The following ZNF280D variants were observed in gnomAD, a reference collection of about 807,000 sequenced individuals.
ZNF280D encodes suppressor of hairy wing homolog 4.
A neutral mutation model predicts 94.7 loss-of-function variants in ZNF280D; 39 were observed. The observed-to-expected ratio is 0.41, with a 90% CI of 0.32 to 0.54. The LOEUF is 0.54. Among genes scored for constraint, ZNF280D ranks in the 20% least tolerant of loss-of-function variants. The pLI is 0.22. For synonymous variants in ZNF280D, 398 were observed against 377.6 expected (o/e 1.05, Z -0.63); for missense variants, 1,090 against 1,149.3 (o/e 0.95, Z 0.75).
At chr15:56,684,528 A>G (rs900469219) in intron 9 of ZNF280D, among the ~76,000 whole-genome samples, 16 of 152,120 alleles carry the variant, frequency 1.1e-4, no homozygotes, top group Admixed American at 3.3e-4. Flanking sequence ...CAAGGGTGAA[A>G]GTATAGGAAA....
Position 56,673,209 on chromosome 15 carries a change from C to T in ZNF280D, c.1410+3461G>A, listed in dbSNP as rs144789032. On this transcript the variant is annotated intron_variant, in intron 13 of 21. Transcript: ENST00000267807. ...TAACATTACTGCTTGATGTCTAATA[C>T]GCTTCTCAAATCAACCTGAACAAAA... Among the ~76,000 whole-genome samples the T allele has an allele frequency of 6.3e-3, 956 of 151,928 alleles. 3 individuals carry two copies. The highest frequency in any genetic ancestry group is 0.01 in the Non-Finnish European group (693 of 67,928).
intron 13 of ZNF280D, among the ~76,000 whole-genome samples, chr15:56,674,758 G>A (rs952317301): frequency 6.6e-6 from 1 of 151,386 alleles, no homozygotes; most frequent in Non-Finnish European, 1.5e-5. Flanking sequence ...TTTTATTAAA[G>A]CTCTAATGAG....
At chr15:56,725,526 G>T (rs2058588071) in intron 1 of ZNF280D, among the ~76,000 whole-genome samples, 1 of 151,970 alleles carries the variant, frequency 6.6e-6, no homozygotes, top group African/African-American at 2.4e-5. Flanking sequence ...AAGACAGCTG[G>T]ATTCTCTTAC....
At chr15:56,692,899 G>A in intron 7 of ZNF280D, among the ~76,000 whole-genome samples, 199 bp downstream of exon 7, 1 of 152,002 alleles carries the variant, frequency 6.6e-6, no homozygotes, top group East Asian at 1.9e-4. Flanking sequence ...TTAATAGGAA[G>A]AAATAAAATA....
At chr15:56,651,154 C>T (rs1432894962) in intron 19 of ZNF280D, among the ~76,000 whole-genome samples, 1 of 152,124 alleles carries the variant, frequency 6.6e-6, no homozygotes. Flanking sequence ...TGAATAAATA[C>T]ATGATGCCCA....
chr15:56,687,255 C>T (rs2056090193), intron 9 of ZNF280D, among the ~76,000 whole-genome samples: 2 of 151,940 alleles, frequency 1.3e-5, no homozygotes, highest in African/African-American at 2.4e-5. Context: ...GAGATACTTT[C>T]CTTATTTAAA....
At chr15:56,680,303 C>T (rs2055531387) in intron 10 of ZNF280D, among the ~76,000 whole-genome samples, 1 of 151,998 alleles carries the variant, frequency 6.6e-6, no homozygotes, top group African/African-American at 2.4e-5. Context: ...ATACATTTAA[C>T]TTCTTTGTTC....
chr15:56,656,688 T>C (rs866304305), intron 17 of ZNF280D, among the ~76,000 whole-genome samples: 1 of 152,202 alleles, frequency 6.6e-6, no homozygotes, highest in Non-Finnish European at 1.5e-5. Flanking sequence ...AATATATACA[T>C]TAATTTATTC....
In ZNF280D at chr15:56,642,951, C is replaced by G; in HGVS notation, c.2259+1G>C. ...AAGGTATAAAGTAAAACAAACTTTA[C>G]CTTAGACACAGGTTCTTGTTCCTTT... On this transcript the variant is annotated splice_donor_variant, in intron 20 of 21. Transcript: ENST00000267807. LOFTEE classifies it high-confidence loss of function. 1 of 1,500,304 alleles carries G rather than the reference C, an allele frequency of 6.7e-7. No homozygotes were observed. The highest frequency in any genetic ancestry group is 8.9e-7 in the Non-Finnish European group (1 of 1,128,658). 92.9% of individuals were successfully genotyped at this position (1,500,304 alleles called of 1,614,324 possible). A position where few individuals can be genotyped will look rare whatever the true frequency, so the allele number is the denominator to read the frequency against.
intron 11 of ZNF280D, among the ~76,000 whole-genome samples, chr15:56,678,120 G>A (rs542802164): frequency 1.3e-5 from 2 of 151,112 alleles, no homozygotes; most frequent in Admixed American, 6.6e-5. Flanking sequence ...TGATTCTCCT[G>A]CCTCAGCTTC....
chr15:56,701,242 T>C lies in ZNF280D; in HGVS notation c.176-4A>G, dbSNP rs376375485. The C allele has an allele frequency of 1.2e-5, 18 of 1,482,374 alleles. No individual in the cohort carries two copies. Among genetic ancestry groups the C allele is most frequent in the East Asian group, 9.9e-5 (4 of 40,398 alleles). The allele number at this position is 1,482,374 out of a possible 1,614,324, so 91.8% of individuals were successfully genotyped here. On this transcript the variant is annotated splice_polypyrimidine_tract_variant and splice_region_variant and intron_variant, in intron 4 of 21. Coordinates refer to ENST00000267807, the MANE Select transcript of ZNF280D (RefSeq NM_017661.4). ...GGGTTAACTCTGTTCAAAATATCTA[T>C]AAAAGATTATATTTATTTTAAAATA...
Position 56,700,361 on chromosome 15 carries a change from G to A in ZNF280D, c.381+572C>T, listed in dbSNP as rs574150391. 1.1e-4 allele frequency: 49 copies of A among 455,528 alleles called. 1 individual carries two copies. The South Asian group carries it at 4.5e-3, about 42-fold the overall frequency. 28.2% of individuals were successfully genotyped at this position (455,528 alleles called of 1,614,324 possible). On this transcript the variant is annotated intron_variant, in intron 6 of 21. Coordinates refer to ENST00000267807, the MANE Select transcript of ZNF280D (RefSeq NM_017661.4). ...GGATAATAATAGTGTTTACTTCATG[G>A]GGATGTTTAAGAACTAAATGAAATG...
At chr15:56,729,416 A>G (rs2058780278) in intron 1 of ZNF280D, among the ~76,000 whole-genome samples, 1 of 152,184 alleles carries the variant, frequency 6.6e-6, no homozygotes, top group African/African-American at 2.4e-5. Flanking sequence ...TGGATTTCGA[A>G]TATAATTCAT....
At chr15:56,648,668 C>T (rs1405665156) in intron 19 of ZNF280D, among the ~76,000 whole-genome samples, 2 of 152,166 alleles carry the variant, frequency 1.3e-5, no homozygotes, top group Non-Finnish European at 2.9e-5. Flanking sequence ...CAGACAGTAA[C>T]AGCTCATATC....
At position 56,676,687 on chromosome 15, in the gene ZNF280D, G is replaced by A; in HGVS notation, c.1393C>T (p.His465Tyr). ...AATCTCACCTGATGCTTCATATAAT[G>A]ATGCATATATGGTGTTGCAATTTTA... ...VIKIATPYMH[H>Y]YMKHQKKGIH... Residue 465 changes from histidine to tyrosine, a missense_variant, in exon 13 of 22, where the codon CAT becomes TAT. Coordinates refer to ENST00000267807, the MANE Select transcript of ZNF280D (RefSeq NM_017661.4). 1 of 1,607,712 alleles carries A rather than the reference G, an allele frequency of 6.2e-7. No individual in the cohort carries two copies. The highest frequency in any genetic ancestry group is 8.5e-7 in the Non-Finnish European group (1 of 1,177,518).
intron 20 of ZNF280D, chr15:56,635,862 T>C (rs1281662060): frequency 6.6e-6 from 1 of 152,226 alleles, no homozygotes; most frequent in Non-Finnish European, 1.5e-5. Context: ...GTACATATGA[T>C]GCATGAAGCA....
chr15:56,686,040 T>C (rs562858400), intron 9 of ZNF280D, among the ~76,000 whole-genome samples: 1 of 152,330 alleles, frequency 6.6e-6, no homozygotes, highest in Admixed American at 6.5e-5. Flanking sequence ...ACAGGGGTTG[T>C]GAGTCTAACA....
chr15:56,675,832 T>C (rs1011348717), intron 13 of ZNF280D, among the ~76,000 whole-genome samples: 9 of 152,070 alleles, frequency 5.9e-5, no homozygotes, highest in African/African-American at 1.9e-4. Flanking sequence ...TTGAGCTTTG[T>C]AGTGAGTTGA....
chr15:56,670,379 T>C (rs2140912098), intron 13 of ZNF280D, among the ~76,000 whole-genome samples: 1 of 151,776 alleles, frequency 6.6e-6, no homozygotes, highest in South Asian at 2.1e-4. Context: ...TAAGTATGTG[T>C]TGTTCCCCTC....
Sources: allele counts gnomAD v4.1 joint callset (sites outside exome capture counted in the v4.1 genomes callset), GRCh38; gene constraint gnomAD v4.1.1; transcripts MANE v1.5; gene names NCBI Gene and HGNC (gene_info 2026-07-23, HGNC 2026-07-21).